The following KIF24 variants were observed in gnomAD, a reference collection of about 807,000 sequenced individuals.
The protein encoded by KIF24 is kinesin-like protein KIF24.
KIF24 carries 81 observed loss-of-function variants against 118.9 expected under a neutral mutation model. The observed-to-expected ratio is 0.68, with a 90% CI of 0.57 to 0.82. The LOEUF is 0.82. Among genes scored for constraint, KIF24 ranks in the 40% least tolerant of loss-of-function variants. The pLI, the probability that KIF24 is intolerant of heterozygous loss-of-function variation, is 0.00. For missense variants in KIF24, 1,560 were observed against 1,661.6 expected, an observed-to-expected ratio of 0.94 and a Z score of 1.06; for synonymous variants, 599 against 610.0, an observed-to-expected ratio of 0.98 and a Z score of 0.27.
At position 34,318,162 on chromosome 9, in the gene KIF24, T is replaced by C. The variant is rs1348237137; in HGVS notation, c.-25-6791A>G. ...TTTAACAAGATAAATACATGAATAATGCAGCCTGGGCAACATAGTGAGACC... is the reference window on the plus strand; with the variant it reads ...TTTAACAAGATAAATACATGAATAACGCAGCCTGGGCAACATAGTGAGACC... On this transcript the variant is annotated intron_variant, in intron 1 of 12. Coordinates refer to ENST00000402558, the MANE Select transcript of KIF24 (RefSeq NM_194313.4). This position sits in a 1 kb window ranked among gnomAD's most constrained non-coding sequence, Gnocchi z 4.9. Among the ~76,000 whole-genome samples the C allele has an allele frequency of 6.6e-6, 1 of 151,592 alleles. No individual in the cohort carries two copies. Among genetic ancestry groups the C allele is most frequent in the Non-Finnish European group, 1.5e-5 (1 of 67,944 alleles).
chr9:34,263,015 TG>T, intron 9 of KIF24, 85 bp downstream of exon 9: 1 of 987,794 alleles, frequency 1.0e-6, no homozygotes, highest in South Asian at 1.4e-5. Flanking sequence ...TTACTGACAG[TG>T]GATGCTCGAC....
chr9:34,263,305 A>C, intron 8 of KIF24, 133 bp from the exon 9 acceptor site: 1 of 702,048 alleles, frequency 1.4e-6, no homozygotes, highest in Non-Finnish European at 2.6e-6. Context: ...GGAAGTCAAA[A>C]TGGCCTGTAG....
chr9:34,263,908 G>T (rs982086312), intron 8 of KIF24, among the ~76,000 whole-genome samples: 1 of 151,682 alleles, frequency 6.6e-6, no homozygotes, highest in African/African-American at 2.4e-5. Flanking sequence ...AAAACAGCAG[G>T]GTCTGTGGCC....
rs116160346 is a variant in KIF24 at position 34,303,667 on chromosome 9, G to A, written c.813+2585C>T. ...GAGTTCGAGACCAGCTGGGCAACAC[G>A]GCAAAACCTCATCTCTACAAAAAAT... On this transcript the variant is annotated intron_variant, in intron 3 of 12. Transcript: ENST00000402558. Among the ~76,000 whole-genome samples, 963 of 152,138 alleles carry A rather than the reference G, an allele frequency of 6.3e-3. 12 individuals are homozygous for A. Among genetic ancestry groups the A allele is most frequent in the African/African-American group, 0.022 (895 of 41,496 alleles).
rs1176092375 is a variant in KIF24, at chr9:34,256,109, G to T, written c.3498C>A (p.His1166Gln). ...CAGCATCATACTGCTCACTACCCAT[G>T]TGTTCGTGGGAGAAAAGTACAGTCT... ...SRETVLFSHE[H>Q]MGSEQYDADA... Residue 1166 changes from histidine to glutamine, a missense_variant, in exon 11 of 13, where the codon CAC becomes CAA. Around this residue, in one of 3 missense-constraint regions of KIF24, gnomAD observed 591 missense variants for 655.6 expected, o/e 0.90. Transcript: ENST00000402558. 2 of 1,611,046 alleles carry T rather than the reference G, an allele frequency of 1.2e-6. No homozygotes were observed. The highest frequency in any genetic ancestry group is 1.7e-6 in the Non-Finnish European group (2 of 1,177,596).
At chr9:34,267,457 A>C (rs527467233) in intron 8 of KIF24, among the ~76,000 whole-genome samples, 1 of 152,208 alleles carries the variant, frequency 6.6e-6, no homozygotes, top group African/African-American at 2.4e-5. Context: ...TTTGCCAAAA[A>C]ATATAGAACC....
At chr9:34,284,266 T>C (rs1163126437) in intron 6 of KIF24, among the ~76,000 whole-genome samples, 1 of 152,098 alleles carries the variant, frequency 6.6e-6, no homozygotes, top group Admixed American at 6.6e-5. Flanking sequence ...AGCAAGACCC[T>C]GTCTCTAGAA....
At chr9:34,326,474 C>T (rs1311989925) in intron 1 of KIF24, among the ~76,000 whole-genome samples, 2 of 152,008 alleles carry the variant, frequency 1.3e-5, no homozygotes, top group Admixed American at 6.6e-5. Flanking sequence ...TAATCACTAC[C>T]GAAGAATAAA....
intron 4 of KIF24, among the ~76,000 whole-genome samples, chr9:34,293,496 C>G (rs1363666852): frequency 7.6e-6 from 1 of 131,048 alleles, no homozygotes; most frequent in Admixed American, 7.9e-5. Context: ...AAAAAAAGGC[C>G]GGACGCGGTG....
Position 34,254,258 on chromosome 9 carries a change from A to G in KIF24, c.*122T>C. On this transcript the variant is annotated 3_prime_UTR_variant, in exon 13 of 13. Coordinates refer to ENST00000402558, the MANE Select transcript of KIF24 (RefSeq NM_194313.4). ...CACGTGGGGCTGGGGTGACGCTAGC[A>G]TAGGCAGGACCAGCGTGTGGGTTCT... 8.8e-7 allele frequency: 1 copy of G among 1,139,004 alleles called. No homozygotes were observed. Among genetic ancestry groups the G allele is most frequent in the Non-Finnish European group, 1.2e-6 (1 of 840,070 alleles). The allele number at this position is 1,139,004 out of a possible 1,614,324, so 70.6% of individuals were successfully genotyped here.
chr9:34,326,034 T>C (rs1164524830), intron 1 of KIF24, among the ~76,000 whole-genome samples: 1 of 152,184 alleles, frequency 6.6e-6, no homozygotes, highest in Non-Finnish European at 1.5e-5. Context: ...TAGGCCCTGT[T>C]TTATGCACCA....
At chr9:34,261,052 G>A (rs1388314233) in intron 9 of KIF24, among the ~76,000 whole-genome samples, 1 of 152,112 alleles carries the variant, frequency 6.6e-6, no homozygotes, top group Non-Finnish European at 1.5e-5. Context: ...AGGTTCCTGG[G>A]TCCCTGGTTA....
At chr9:34,270,354 A>G (rs1835456462) in intron 7 of KIF24, among the ~76,000 whole-genome samples, 1 of 151,676 alleles carries the variant, frequency 6.6e-6, no homozygotes, top group African/African-American at 2.4e-5. Flanking sequence ...GTCTCTACTA[A>G]AAATACAAAA....
At chr9:34,258,987 G>A (rs1208862325) in intron 10 of KIF24, among the ~76,000 whole-genome samples, 1 of 152,150 alleles carries the variant, frequency 6.6e-6, no homozygotes, top group Non-Finnish European at 1.5e-5. Flanking sequence ...TTACCTACTA[G>A]GAGAGCACAT....
At chr9:34,300,638 G>C (rs1483464298) in intron 3 of KIF24, among the ~76,000 whole-genome samples, 2 of 151,964 alleles carry the variant, frequency 1.3e-5, no homozygotes, top group Non-Finnish European at 2.9e-5. Context: ...AAAGTGCTGG[G>C]ATTACAGGTG....
Position 34,256,410 on chromosome 9 carries a change from G to A in KIF24, c.3197C>T (p.Pro1066Leu). The part of the protein sequence containing the change: ...LLENPDNEGS[P>L]PSEQLVQDGA... ...ATCCTGGACCAGCTGCTCCGAGGGA[G>A]GAGACCCTTCGTTGTCTGGGTTCTC... is the stretch of plus-strand genomic sequence containing the variant. The change falls in exon 11 of 13, where the codon CCT (proline) becomes CTT (leucine). Residue 1066 changes from proline to leucine, a missense_variant. Coordinates refer to ENST00000402558, the MANE Select transcript of KIF24 (RefSeq NM_194313.4). 1 of 1,613,966 alleles carries A rather than the reference G, an allele frequency of 6.2e-7. No individual in the cohort carries two copies. Among genetic ancestry groups the A allele is most frequent in the South Asian group, 1.1e-5 (1 of 91,084 alleles).
rs1196159851 is a variant in KIF24, at chr9:34,314,309, G to A, written c.-25-2938C>T. Among the ~76,000 whole-genome samples, 11 of 151,990 alleles carry A rather than the reference G, an allele frequency of 7.2e-5. No homozygotes were observed. In the East Asian group the frequency reaches 7.7e-4, roughly 11 times the overall value. On this transcript the variant is annotated intron_variant, in intron 1 of 12. Transcript: ENST00000402558. ...CTCCCAAATAGCTGGGAGTACAGGC[G>A]CGCGCCACCACGCCCGGCTAATTTT...
At chr9:34,280,991 GT>G (rs1835830335) in intron 6 of KIF24, among the ~76,000 whole-genome samples, 1 of 152,140 alleles carries the variant, frequency 6.6e-6, no homozygotes, top group Non-Finnish European at 1.5e-5. Flanking sequence ...AGAAGACATT[GT>G]TATCAATGTA....
rs1418304424 is a variant in KIF24, at chr9:34,318,745, G to A, written c.-25-7374C>T. ...AGGTGCACGCCGGCGTGGGCGAGCCGCTGCGTTCACTCAGCAACTCCACCG... is the reference window on the plus strand; with the variant it reads ...AGGTGCACGCCGGCGTGGGCGAGCCACTGCGTTCACTCAGCAACTCCACCG... On this transcript the variant is annotated intron_variant, in intron 1 of 12. Transcript: ENST00000402558. This position sits in a 1 kb window ranked among gnomAD's most constrained non-coding sequence, Gnocchi z 4.9. 1.1e-5 allele frequency: 16 copies of A among 1,504,278 alleles called. No individual in the cohort carries two copies. The highest frequency in any genetic ancestry group is 3.5e-5 in the South Asian group (3 of 86,260). 93.2% of individuals were successfully genotyped at this position (1,504,278 alleles called of 1,614,324 possible).
Sources: allele counts gnomAD v4.1 joint callset (sites outside exome capture counted in the v4.1 genomes callset), GRCh38; gene constraint gnomAD v4.1.1; regional missense constraint gnomAD v4.1.1; non-coding constraint Gnocchi (gnomAD v3.1); transcripts MANE v1.5; gene names NCBI Gene and HGNC (gene_info 2026-07-23, HGNC 2026-07-21).